The following MAGI3 variants were observed in gnomAD, a reference collection of about 807,000 sequenced individuals.
The protein encoded by MAGI3 is membrane-associated guanylate kinase, WW and PDZ domain-containing protein 3.
MAGI3 carries 43 observed loss-of-function variants against 121.8 expected under a neutral mutation model. The observed-to-expected ratio is 0.35, with a 90% confidence interval of 0.28 to 0.46. The LOEUF (loss-of-function observed/expected upper bound fraction) is 0.46. MAGI3 is among the 20% of genes least tolerant of loss of function. The pLI, the probability that MAGI3 is intolerant of heterozygous loss-of-function variation, is 1.00. For synonymous variants in MAGI3, 553 were observed against 639.3 expected (o/e 0.86, Z 2.04); for missense variants, 1,547 against 1,797.3 (o/e 0.86, Z 2.52).
chr1:113,553,398 T>C (rs1432683117), intron 2 of MAGI3, among the ~76,000 whole-genome samples: 1 of 152,188 alleles, frequency 6.6e-6, no homozygotes, highest in Non-Finnish European at 1.5e-5. Flanking sequence ...CTTGACTCTG[T>C]GGCTGAATAC....
intron 1 of MAGI3, among the ~76,000 whole-genome samples, chr1:113,413,775 T>G (rs1288416349): frequency 6.6e-6 from 1 of 152,218 alleles, no homozygotes; most frequent in Non-Finnish European, 1.5e-5. Context: ...AAGGAGATTT[T>G]GGGCTGAGAC....
intron 1 of MAGI3, among the ~76,000 whole-genome samples, chr1:113,446,487 A>G (rs1654185688): frequency 6.6e-6 from 1 of 152,224 alleles, no homozygotes; most frequent in African/African-American, 2.4e-5. Flanking sequence ...AAAAATGTAT[A>G]AAGCATATAG....
chr1:113,507,992 A>G (rs953774946), intron 1 of MAGI3, among the ~76,000 whole-genome samples: 1 of 152,150 alleles, frequency 6.6e-6, no homozygotes, highest in Non-Finnish European at 1.5e-5. Flanking sequence ...AAAATGAGCT[A>G]TTACAACTGG....
chr1:113,668,569 CTTTTTTTTTTTT>C (rs370302032), intron 16 of MAGI3, among the ~76,000 whole-genome samples: 1 of 94,850 alleles, frequency 1.1e-5, no homozygotes, highest in South Asian at 4.4e-4. Context: ...AAACATGTAA[CTTTTTTTTTTTT>C]TTTTTTTTTT....
chr1:113,510,659 T>C (rs991911225), intron 1 of MAGI3, among the ~76,000 whole-genome samples: 2 of 152,204 alleles, frequency 1.3e-5, no homozygotes, highest in Non-Finnish European at 2.9e-5. Context: ...CTGAAATATC[T>C]CCAACATCTT....
At chr1:113,397,885 GT>G (rs1651198773) in intron 1 of MAGI3, among the ~76,000 whole-genome samples, 1 of 152,132 alleles carries the variant, frequency 6.6e-6, no homozygotes, top group Non-Finnish European at 1.5e-5. Flanking sequence ...AGTCTAGCCA[GT>G]TTTATGGGAA....
At chr1:113,558,167 CCACAA>C (rs1264396773) in intron 2 of MAGI3, among the ~76,000 whole-genome samples, 1 of 152,154 alleles carries the variant, frequency 6.6e-6, no homozygotes, top group African/African-American at 2.4e-5. Context: ...CTCCAAATGA[CCACAA>C]CACTTCTCCA....
At chr1:113,517,704 T>A (rs1557799581) in intron 1 of MAGI3, among the ~76,000 whole-genome samples, 1 of 152,070 alleles carries the variant, frequency 6.6e-6, no homozygotes, top group Non-Finnish European at 1.5e-5. Flanking sequence ...TCAAAATCTT[T>A]AGGCTGATCT....
intron 1 of MAGI3, among the ~76,000 whole-genome samples, chr1:113,487,752 T>G (rs1656458848): frequency 6.6e-6 from 1 of 151,594 alleles, no homozygotes; most frequent in Non-Finnish European, 1.5e-5. Context: ...TGACATCTGT[T>G]TTTTTTTTCA....
chr1:113,492,304 A>C (rs1656708714), intron 1 of MAGI3, among the ~76,000 whole-genome samples: 1 of 152,168 alleles, frequency 6.6e-6, no homozygotes, highest in African/African-American at 2.4e-5. Flanking sequence ...AAAGGCTCTC[A>C]ATAAAATTCA....
chr1:113,668,783 C>A (rs1373461147), intron 16 of MAGI3, among the ~76,000 whole-genome samples: 3 of 151,280 alleles, frequency 2.0e-5, no homozygotes, highest in Non-Finnish European at 1.5e-5. Flanking sequence ...GGGGTTTCAC[C>A]TTGTTAGCCA....
chr1:113,439,482 G>A (rs769706115), intron 1 of MAGI3, among the ~76,000 whole-genome samples: 4 of 152,122 alleles, frequency 2.6e-5, no homozygotes, highest in African/African-American at 9.7e-5. Flanking sequence ...ATTTCCTGAA[G>A]CCAGTTTATT....
At chr1:113,680,115 A>G (rs572166255) in intron 19 of MAGI3, among the ~76,000 whole-genome samples, 1 of 152,380 alleles carries the variant, frequency 6.6e-6, no homozygotes, top group South Asian at 2.1e-4. Context: ...ATTTTAATCT[A>G]TAAAGATGTC....
intron 15 of MAGI3, among the ~76,000 whole-genome samples, chr1:113,656,890 T>C (rs1281931030): frequency 6.6e-6 from 1 of 152,216 alleles, no homozygotes; most frequent in Non-Finnish European, 1.5e-5. Flanking sequence ...AAGTGCTGAA[T>C]GAATGGAGTA....
intron 1 of MAGI3, chr1:113,404,364 A>T (rs1651564575): frequency 6.6e-6 from 1 of 152,160 alleles, no homozygotes; most frequent in Non-Finnish European, 1.5e-5. Flanking sequence ...ACCAATTGTT[A>T]AATTTTCAAG....
At chr1:113,430,578 G>A (rs2359417) in intron 1 of MAGI3, among the ~76,000 whole-genome samples, 82,845 of 152,012 alleles carry the variant, frequency 0.54, 23,880 homozygotes, top group African/African-American at 0.72. Context: ...TGACTGGAAA[G>A]TGAGTTGTTC....
At chr1:113,591,861 C>T (rs955999897) in intron 5 of MAGI3, among the ~76,000 whole-genome samples, 4 of 151,978 alleles carry the variant, frequency 2.6e-5, no homozygotes, top group African/African-American at 9.7e-5. Flanking sequence ...CTTCACCCTG[C>T]AAACAGGGCT....
chr1:113,580,755 T>C, intron 3 of MAGI3, 94 bp downstream of exon 3: 1 of 1,256,364 alleles, frequency 8.0e-7, no homozygotes, highest in East Asian at 2.8e-5. Flanking sequence ...TACCACTTTT[T>C]GAAAAACTTT....
chr1:113,634,913 C>T (rs1376711072), intron 9 of MAGI3, among the ~76,000 whole-genome samples: 1 of 151,936 alleles, frequency 6.6e-6, no homozygotes, highest in African/African-American at 2.4e-5. Context: ...TTTCATTGAG[C>T]AGTGGTTTGT....
Sources: allele counts gnomAD v4.1 joint callset (sites outside exome capture counted in the v4.1 genomes callset), GRCh38; gene constraint gnomAD v4.1.1; transcripts MANE v1.5; gene names NCBI Gene and HGNC (gene_info 2026-07-23, HGNC 2026-07-21).